Variants in ADAMTS5 observed in about 807,000 individuals in gnomAD.
ADAMTS5 encodes the protein A disintegrin and metalloproteinase with thrombospondin motifs 5.
Under a neutral mutation model 81.4 loss-of-function variants are expected in ADAMTS5, and 54 were observed. The ratio of observed to expected loss-of-function variants is 0.66; its 90% CI spans 0.53 to 0.83. The LOEUF (loss-of-function observed/expected upper bound fraction) is 0.83, where lower values mean the gene tolerates loss of function less well. Among genes scored for constraint, ADAMTS5 ranks in the 40% least tolerant of loss-of-function variants. The pLI is 0.00. For missense variants in ADAMTS5, 1,194 were observed against 1,229.9 expected, an observed-to-expected ratio of 0.97 and a Z score of 0.44; for synonymous variants, 532 against 508.8, an observed-to-expected ratio of 1.05 and a Z score of -0.61.
chr21:26,966,272 G>T lies in ADAMTS5; in HGVS notation c.120C>A (p.Ala40=). The T allele has an allele frequency of 6.4e-7, 1 of 1,571,398 alleles. No homozygotes were observed. Among genetic ancestry groups the T allele is most frequent in the Non-Finnish European group, 8.6e-7 (1 of 1,162,824 alleles). Residue 40 remains alanine (A), a synonymous_variant, in exon 1 of 8, where the codon GCC becomes GCA. Transcript: ENST00000284987. The part of the protein sequence containing the change: ...KAGQPPTAAA[A]AQPRRRQGEE... ...CCCCCTGCCGCCGGCGGGGCTGGGC[G>T]GCTGCTGCAGCAGTCGGAGGCTGCC... is the stretch of plus-strand genomic sequence containing the variant.
At chr21:26,933,097 AGT>A in intron 4 of ADAMTS5, 53 bp from the exon 5 acceptor site, 1 of 1,536,846 alleles carries the variant, frequency 6.5e-7, no homozygotes, top group Non-Finnish European at 8.8e-7. Context: ...AAACATTGAA[AGT>A]GTGCATTTGG....
chr21:26,928,213 A>T (rs1460809861), intron 7 of ADAMTS5, among the ~76,000 whole-genome samples: 1 of 152,148 alleles, frequency 6.6e-6, no homozygotes, highest in Non-Finnish European at 1.5e-5. Context: ...TGTCTAAGGA[A>T]TCATTGAGCC....
intron 2 of ADAMTS5, among the ~76,000 whole-genome samples, chr21:26,952,620 G>C (rs1987342829): frequency 6.6e-6 from 1 of 152,152 alleles, no homozygotes; most frequent in Non-Finnish European, 1.5e-5. Context: ...TCACTAGAAA[G>C]GAAAGAAACT....
chr21:26,929,891 C>A lies in ADAMTS5; in HGVS notation c.2220G>T (p.Lys740Asn). ...SCTKIVGTFN[K>N]KSKGYTDVVR... ...CAAAGGTTCTATCATATTACCTTTT[C>A]TTATTAAAGGTTCCAACAATCTTTG... Residue 740 changes from lysine to asparagine, a missense_variant, in exon 7 of 8, where the codon AAG (lysine) becomes AAT (asparagine). Around this residue, in one of 2 missense-constraint regions of ADAMTS5, gnomAD observed 696 missense variants for 817.6 expected, o/e 0.85. Transcript: ENST00000284987. 1 of 1,613,490 alleles carries A rather than the reference C, an allele frequency of 6.2e-7. No individual in the cohort carries two copies.
chr21:26,954,704 T>A (rs1987386854), intron 2 of ADAMTS5, 35 bp downstream of exon 2: 1 of 1,607,420 alleles, frequency 6.2e-7, no homozygotes, highest in Non-Finnish European at 8.5e-7. Context: ...TACAAGTGTT[T>A]GATTTGGTGA....
At chr21:26,954,579 C>T (rs900310114) in intron 2 of ADAMTS5, among the ~76,000 whole-genome samples, 160 bp downstream of exon 2, 1 of 152,146 alleles carries the variant, frequency 6.6e-6, no homozygotes, top group Non-Finnish European at 1.5e-5. Context: ...CCCTGTCGCT[C>T]GTATTAGTTA....
chr21:26,937,872 C>T (rs1987042696), intron 3 of ADAMTS5, among the ~76,000 whole-genome samples: 1 of 152,124 alleles, frequency 6.6e-6, no homozygotes, highest in Non-Finnish European at 1.5e-5. Flanking sequence ...TCTGGATCTT[C>T]CTGGGAACAC....
intron 2 of ADAMTS5, among the ~76,000 whole-genome samples, chr21:26,943,981 A>G (rs998973646): frequency 6.6e-6 from 1 of 152,178 alleles, no homozygotes; most frequent in Non-Finnish European, 1.5e-5. Flanking sequence ...AAACCTCTGT[A>G]TTGAACTTAG....
chr21:26,954,985 T>G, intron 1 of ADAMTS5, 114 bp from the exon 2 acceptor site: 1 of 1,302,332 alleles, frequency 7.7e-7, no homozygotes, highest in East Asian at 2.5e-5. Context: ...TGGTATCACC[T>G]GTTCCTCTCT....
In ADAMTS5 at chr21:26,965,776, G is replaced by A. The variant is rs775460751; in HGVS notation, c.616C>T (p.Arg206Cys). The A allele has an allele frequency of 4.7e-5, 76 of 1,601,578 alleles. No individual in the cohort carries two copies. Among genetic ancestry groups the A allele is most frequent in the Non-Finnish European group, 6.3e-5 (74 of 1,174,468 alleles). Reference sequence around the variant, plus strand: ...GACGCGGGGGTTTCGCAGCTGGCGCGCGGCGGCAGGGCCTCGAAGCTGAAG... The same window carrying A: ...GACGCGGGGGTTTCGCAGCTGGCGCACGGCGGCAGGGCCTCGAAGCTGAAG... Reference protein sequence around the residue: ...EGFSFEALPPRASCETPASTP... With the variant: ...EGFSFEALPPCASCETPASTP... The change falls in exon 1 of 8, where the codon CGC (arginine) becomes TGC (cysteine). Residue 206 changes from arginine to cysteine, a missense_variant. Transcript: ENST00000284987.
intron 2 of ADAMTS5, among the ~76,000 whole-genome samples, chr21:26,945,408 T>C (rs162494): frequency 0.31 from 47,419 of 152,072 alleles, 7,825 homozygotes; most frequent in South Asian, 0.42. Flanking sequence ...AAAAATGTGA[T>C]GTATACATTC....
Position 26,965,457 on chromosome 21 carries a change from C to A in ADAMTS5, c.935G>T (p.Arg312Leu), listed in dbSNP as rs543666424. Residue 312 changes from arginine (R) to leucine (L), a missense_variant, in exon 1 of 8, where the codon CGC (arginine) becomes CTC (leucine). Physicochemically the swap from Arg to Leu is moderately radical, Grantham distance 102. This residue lies in a region of ADAMTS5 where 696 missense variants were observed against 817.6 expected (regional missense o/e 0.85). Transcript: ENST00000284987. The part of the protein sequence containing the change: ...YSHASIENHI[R>L]LAVVKVVVLG... ...CACCACCACCTTCACCACGGCCAGG[C>A]GGATGTGGTTCTCGATGCTAGCATG... The A allele has an allele frequency of 1.3e-4, 202 of 1,614,246 alleles. No homozygotes were observed. In the East Asian group the frequency reaches 4.0e-3, roughly 32 times the overall value.
In ADAMTS5 at chr21:26,943,522, G is replaced by A. The variant is rs61088614; in HGVS notation, c.1263C>T (p.Asp421=). The A allele has an allele frequency of 0.011, 17,588 of 1,613,370 alleles. 845 individuals carry two copies. In the African/African-American group the frequency reaches 0.15, roughly 13 times the overall value. The change falls in exon 3 of 8, where the codon GAC becomes GAT. Residue 421 remains aspartate, a synonymous_variant. Transcript: ENST00000284987. The part of the protein sequence containing the change: ...EIGHLLGLSH[D]DSKFCEETFG... ...AGGTCTCTTCACAGAATTTGGAATC[G>A]TCATGGGAGAGGCCAAGTAAATGTC...
intron 3 of ADAMTS5, 51 bp from the exon 4 acceptor site, chr21:26,934,800 G>A (rs576768110): frequency 2.8e-5 from 45 of 1,589,204 alleles, no homozygotes; most frequent in South Asian, 2.5e-4. Flanking sequence ...GTTTCAAACC[G>A]CTAAAATCAT....
At chr21:26,949,847 C>T (rs137867063) in intron 2 of ADAMTS5, among the ~76,000 whole-genome samples, 24 of 152,310 alleles carry the variant, frequency 1.6e-4, no homozygotes, top group Non-Finnish European at 3.1e-4. Flanking sequence ...TAGTTTCCTT[C>T]GAACTTTACA....
rs1600993280 is a variant in ADAMTS5 at position 26,919,422 on chromosome 21, C to A, written c.*4631G>T. ...CAGCAAAATTATTGCTAATGTGCAA[C>A]TATATTAGTAGAATGCAATTAACTG... is the stretch of plus-strand genomic sequence containing the variant. On this transcript the variant is annotated 3_prime_UTR_variant, in exon 8 of 8. Transcript: ENST00000284987. 1 of 151,614 alleles carries A rather than the reference C, an allele frequency of 6.6e-6. No individual in the cohort carries two copies. The highest frequency in any genetic ancestry group is 3.4e-3 in the Middle Eastern group (1 of 294). The allele number at this position is 151,614 out of a possible 1,614,324, so 9.4% of individuals were successfully genotyped here. A position where few individuals can be genotyped will look rare whatever the true frequency, so the allele number is the denominator to read the frequency against.
Position 26,924,602 on chromosome 21 carries a change from C to T in ADAMTS5, c.2244G>A (p.Val748=), listed in dbSNP as rs1251531699. 1.2e-6 allele frequency: 2 copies of T among 1,612,962 alleles called. No individual in the cohort carries two copies. Among genetic ancestry groups the T allele is most frequent in the Non-Finnish European group, 1.7e-6 (2 of 1,179,558 alleles). Residue 748 remains valine, a synonymous_variant, in exon 8 of 8, where the codon GTG becomes GTA. Transcript: ENST00000284987. ...GGGTTGCCCCTTCAGGAATCCTCAC[C>T]ACGTCAGTGTAACCCTTACTGGAAG... ...FNKKSKGYTD[V]VRIPEGATHI...
chr21:26,926,208 C>G (rs552476711), intron 7 of ADAMTS5, among the ~76,000 whole-genome samples: 1 of 152,294 alleles, frequency 6.6e-6, no homozygotes, highest in South Asian at 2.1e-4. Context: ...GTCTTGGCTG[C>G]AGTGAGTGCA....
At position 26,918,325 on chromosome 21, in the gene ADAMTS5, C is replaced by A. The variant is rs1385652847; in HGVS notation, c.*5728G>T. The A allele has an allele frequency of 6.6e-6, 1 of 152,370 alleles. No individual in the cohort carries two copies. Among genetic ancestry groups the A allele is most frequent in the African/African-American group, 2.4e-5 (1 of 41,392 alleles). The allele number at this position is 152,370 out of a possible 1,614,324, so 9.4% of individuals were successfully genotyped here. ...TGTAAATCTTCAATGATTTTCTCTA[C>A]CATCAAAGCAAGTTTCAAGGTTTAA... On this transcript the variant is annotated 3_prime_UTR_variant, in exon 8 of 8. Transcript: ENST00000284987.
Sources: allele counts gnomAD v4.1 joint callset (sites outside exome capture counted in the v4.1 genomes callset), GRCh38; gene constraint gnomAD v4.1.1; regional missense constraint gnomAD v4.1.1; transcripts MANE v1.5; gene names NCBI Gene and HGNC (gene_info 2026-07-23, HGNC 2026-07-21).